The following TRIP13 variants were observed in gnomAD, a reference collection of about 807,000 sequenced individuals.
TRIP13 encodes thyroid hormone receptor interactor 13.
In TRIP13, 25 loss-of-function variants were observed where a neutral mutation model predicts 54.4. The observed-to-expected ratio is 0.46, with a 90% CI of 0.33 to 0.64. TRIP13 has a LOEUF of 0.64. TRIP13 is among the 30% of genes least tolerant of loss of function. The pLI, the probability that TRIP13 is intolerant of heterozygous loss-of-function variation, is 0.02. For missense variants in TRIP13, 373 were observed against 534.2 expected, an observed-to-expected ratio of 0.70 and a Z score of 2.97; for synonymous variants, 207 against 207.8, an observed-to-expected ratio of 1.00 and a Z score of 0.03.
intron 2 of TRIP13, among the ~76,000 whole-genome samples, 155 bp downstream of exon 2, chr5:895,107 A>G (rs1353954794): frequency 6.6e-6 from 1 of 152,198 alleles, no homozygotes; most frequent in Non-Finnish European, 1.5e-5. Flanking sequence ...AGCTGTCAGG[A>G]GCCAGGTGCT....
rs1289672296 is a variant in TRIP13 at position 907,486 on chromosome 5, G to GCGC, written c.672+295_672+297dup. On this transcript the variant is annotated intron_variant, in intron 7 of 12. Transcript: ENST00000166345. The surrounding 1 kb of genome is among the most constrained non-coding windows in gnomAD (Gnocchi z 4.1). ...TGCCATGCATGTCCTTGGTGCTCAT[G>GCGC]CGCCCTAGCACTGTCTGTGAGTTGA... 6.6e-6 allele frequency among the ~76,000 whole-genome samples: 1 copy of GCGC among 152,232 alleles called. No individual in the cohort carries two copies. The highest frequency in any genetic ancestry group is 1.9e-4 in the East Asian group (1 of 5,192).
At position 915,958 on chromosome 5, in the gene TRIP13, T is replaced by C. The variant is rs1470692621; in HGVS notation, c.1188T>C (p.His396=). The change falls in exon 12 of 13, where the codon CAT becomes CAC. Residue 396 remains histidine, a synonymous_variant. Transcript: ENST00000166345. The surrounding 1 kb of genome is among the most constrained non-coding windows in gnomAD (Gnocchi z 4.2). Reference sequence around the variant, plus strand: ...TGAGAAAACTCCCCTTTCTGGCTCATGCGCTGTATGTCCAGGTGAGTCTCC... The same window carrying C: ...TGAGAAAACTCCCCTTTCTGGCTCACGCGCTGTATGTCCAGGTGAGTCTCC... ...RVLRKLPFLA[H]ALYVQAPTVT... 3.1e-6 allele frequency: 5 copies of C among 1,613,994 alleles called. No homozygotes were observed. In the African/African-American group the frequency reaches 5.3e-5, roughly 17 times the overall value.
At position 901,079 on chromosome 5, in the gene TRIP13, T is replaced by A. The variant is rs56255087; in HGVS notation, c.445-262T>A. On this transcript the variant is annotated intron_variant, in intron 4 of 12. Coordinates refer to ENST00000166345, the MANE Select transcript of TRIP13 (RefSeq NM_004237.4). ...CAAACCCCTTAGTGGTTTTGTTTAATGTTGGCACTTTAAATAAAAGTGATC... is the reference window on the plus strand; with the variant it reads ...CAAACCCCTTAGTGGTTTTGTTTAAAGTTGGCACTTTAAATAAAAGTGATC... 0.042 allele frequency among the ~76,000 whole-genome samples: 6,371 copies of A among 152,340 alleles called. 158 individuals are homozygous for A. The highest frequency in any genetic ancestry group is 0.049 in the Non-Finnish European group (3,338 of 68,030).
At chr5:914,638 T>A in intron 11 of TRIP13, 61 bp downstream of exon 11, 2 of 1,412,256 alleles carry the variant, frequency 1.4e-6, no homozygotes, top group South Asian at 1.2e-5. Context: ...AACTAGGGAG[T>A]CATTGTTTCC....
chr5:916,665 G>A (rs942263257), intron 12 of TRIP13, among the ~76,000 whole-genome samples: 1 of 152,184 alleles, frequency 6.6e-6, no homozygotes, highest in Admixed American at 6.5e-5. Flanking sequence ...ATAAGCCTGG[G>A]ACATAGGGTG....
intron 5 of TRIP13, 121 bp from the exon 6 acceptor site, chr5:904,027 A>G (rs1754052967): frequency 1.2e-6 from 1 of 835,842 alleles, no homozygotes. Flanking sequence ...CATTGTAGTA[A>G]TAACATTAAT....
Position 893,107 on chromosome 5 carries a change from C to T in TRIP13, c.92+17C>T, listed in dbSNP as rs752105824. The T allele has an allele frequency of 3.8e-6, 6 of 1,575,084 alleles. No homozygotes were observed. The East Asian group carries it at 1.4e-4, about 36-fold the overall frequency. ...CGGCAGCAGGTGAGCCGGACCTGTC[C>T]GACACATCCTCTGGGCACCCACCCG... On this transcript the variant is annotated intron_variant, in intron 1 of 12. Transcript: ENST00000166345.
At chr5:918,647 A>G (rs1413923161), downstream of TRIP13, among the ~76,000 whole-genome samples, 3 of 152,312 alleles carry the variant, frequency 2.0e-5, no homozygotes, top group Admixed American at 1.3e-4. The surrounding 1 kb of genome is among the most constrained non-coding windows in gnomAD (Gnocchi z 4.3). Context: ...GAGTTTATTA[A>G]GTATTAACTC....
Position 907,940 on chromosome 5 carries a change from G to A in TRIP13, c.673-48G>A, listed in dbSNP as rs753249614. On this transcript the variant is annotated intron_variant, in intron 7 of 12. Coordinates refer to ENST00000166345, the MANE Select transcript of TRIP13 (RefSeq NM_004237.4). The surrounding 1 kb of genome is among the most constrained non-coding windows in gnomAD (Gnocchi z 4.1). ...ACATCAGGGTCCCCCTGTGCACCTG[G>A]CAGTGTGGTCCCTGCACGTTGACAC... 7 of 1,592,830 alleles carry A rather than the reference G, an allele frequency of 4.4e-6. No homozygotes were observed. Among genetic ancestry groups the A allele is most frequent in the Non-Finnish European group, 5.2e-6 (6 of 1,160,574 alleles).
At chr5:894,246 G>C (rs1190514878) in intron 1 of TRIP13, among the ~76,000 whole-genome samples, 1 of 152,170 alleles carries the variant, frequency 6.6e-6, no homozygotes, top group Non-Finnish European at 1.5e-5. Context: ...GTGCATAGCA[G>C]GGCACAGAGG....
intron 12 of TRIP13, among the ~76,000 whole-genome samples, chr5:916,411 G>A (rs939327793): frequency 1.1e-4 from 16 of 152,332 alleles, no homozygotes; most frequent in South Asian, 4.1e-4. Flanking sequence ...CCCAGCAGCC[G>A]GTTGGGGTAA....
In TRIP13 at chr5:908,295, A is replaced by G. The variant is rs1754159960; in HGVS notation, c.760-60A>G. 1 of 1,574,522 alleles carries G rather than the reference A, an allele frequency of 6.4e-7. No homozygotes were observed. Among genetic ancestry groups the G allele is most frequent in the Non-Finnish European group, 8.7e-7 (1 of 1,152,508 alleles). On this transcript the variant is annotated intron_variant, in intron 8 of 12. Coordinates refer to ENST00000166345, the MANE Select transcript of TRIP13 (RefSeq NM_004237.4). The surrounding 1 kb of genome is among the most constrained non-coding windows in gnomAD (Gnocchi z 5.2). Reference sequence around the variant, plus strand: ...CACGTGCTCAGCGGGACGTATCCCCATAGCTGCCTGTGAAGTGCCAGGCCC... The same window carrying G: ...CACGTGCTCAGCGGGACGTATCCCCGTAGCTGCCTGTGAAGTGCCAGGCCC...
chr5:902,084 G>C (rs1232167607), intron 5 of TRIP13, among the ~76,000 whole-genome samples: 2 of 152,208 alleles, frequency 1.3e-5, no homozygotes, highest in African/African-American at 4.8e-5. Flanking sequence ...AATTAGGCTT[G>C]TAGTACTCAG....
Position 917,997 on chromosome 5 carries a change from C to T in TRIP13, c.*894C>T, listed in dbSNP as rs1309039274. Reference sequence around the variant, plus strand: ...AATTCACTTTTGAAAGAACATGTTACCTTACCTTTTGTTTTAGAAGTTTTC... The same window carrying T: ...AATTCACTTTTGAAAGAACATGTTATCTTACCTTTTGTTTTAGAAGTTTTC... On this transcript the variant is annotated 3_prime_UTR_variant, in exon 13 of 13. Coordinates refer to ENST00000166345, the MANE Select transcript of TRIP13 (RefSeq NM_004237.4). 1 of 152,110 alleles carries T rather than the reference C, an allele frequency of 6.6e-6. No individual in the cohort carries two copies. The highest frequency in any genetic ancestry group is 2.4e-5 in the African/African-American group (1 of 41,412). 9.4% of individuals were successfully genotyped at this position (152,110 alleles called of 1,614,324 possible). A position where few individuals can be genotyped will look rare whatever the true frequency, so the allele number is the denominator to read the frequency against.
chr5:908,178 C>T lies in TRIP13; in HGVS notation c.759+104C>T, dbSNP rs939276702. The T allele has an allele frequency of 5.5e-6, 8 of 1,455,862 alleles. No homozygotes were observed. The Admixed American group carries it at 1.0e-4, about 19-fold the overall frequency. 90.2% of individuals were successfully genotyped at this position (1,455,862 alleles called of 1,614,324 possible). A position where few individuals can be genotyped will look rare whatever the true frequency, so the allele number is the denominator to read the frequency against. On this transcript the variant is annotated intron_variant, in intron 8 of 12. Coordinates refer to ENST00000166345, the MANE Select transcript of TRIP13 (RefSeq NM_004237.4). This position sits in a 1 kb window ranked among gnomAD's most constrained non-coding sequence, Gnocchi z 5.2. ...CTAGCTTTCCCCTCCTACAGCCGGG[C>T]TGCCCTCTATCCCTCCCTGCACTGT...
chr5:900,400 G>GGGAA (rs1405767885), intron 3 of TRIP13, 94 bp from the exon 4 acceptor site: 1 of 1,233,870 alleles, frequency 8.1e-7, no homozygotes. Flanking sequence ...GCAGCACAAT[G>GGGAA]GGAAGCTCAG....
At chr5:896,826 C>G (rs1753926452) in intron 3 of TRIP13, 32 bp downstream of exon 3, 2 of 1,606,134 alleles carry the variant, frequency 1.2e-6, no homozygotes, top group African/African-American at 1.3e-5. Context: ...GAAGGGGAGG[C>G]TGAGGTCAGA....
intron 6 of TRIP13, among the ~76,000 whole-genome samples, chr5:904,457 A>G (rs1170777090): frequency 6.6e-6 from 1 of 152,190 alleles, no homozygotes; most frequent in Non-Finnish European, 1.5e-5. Flanking sequence ...AGAAGACTAT[A>G]CTTTCTCCCC....
intron 6 of TRIP13, among the ~76,000 whole-genome samples, chr5:906,169 G>A (rs565640427): frequency 2.0e-5 from 3 of 152,242 alleles, no homozygotes; most frequent in East Asian, 1.9e-4. Context: ...CCTGGGTGAC[G>A]GGAGTGAGAC....
Sources: allele counts gnomAD v4.1 joint callset (sites outside exome capture counted in the v4.1 genomes callset), GRCh38; gene constraint gnomAD v4.1.1; non-coding constraint Gnocchi (gnomAD v3.1); transcripts MANE v1.5; gene names NCBI Gene and HGNC (gene_info 2026-07-23, HGNC 2026-07-21).